The following FBLN2 variants were observed in gnomAD, a reference collection of about 807,000 sequenced individuals.
FBLN2 encodes fibulin-2.
A neutral mutation model predicts 123.7 loss-of-function variants in FBLN2; 81 were observed. The observed-to-expected ratio is 0.65, with a 90% CI of 0.55 to 0.79. The LOEUF (loss-of-function observed/expected upper bound fraction) is 0.79, where lower values mean the gene tolerates loss of function less well. FBLN2 is among the 30% of genes least tolerant of loss of function. The pLI is 0.00. For missense variants in FBLN2, 1,603 were observed against 1,681.3 expected (o/e 0.95, Z 0.81); for synonymous variants, 699 against 701.4 (o/e 1.00, Z 0.05).
chr3:13,609,566 C>T lies in FBLN2; in HGVS notation c.1472C>T (p.Ala491Val). The T allele has an allele frequency of 1.3e-6, 2 of 1,555,226 alleles. No individual in the cohort carries two copies. The highest frequency in any genetic ancestry group is 1.7e-6 in the Non-Finnish European group (2 of 1,149,184). The change falls in exon 4 of 18, where the codon GCC becomes GTC. Residue 491 changes from alanine to valine, a missense_variant. By Grantham distance (64) the Ala-to-Val change is moderately conservative. Transcript: ENST00000404922. ...TACTTGCAGGAGAAGAGCTGCATGG[C>T]CGGCGTCCTGGGAGCCAAGGAGGGT... is the stretch of plus-strand genomic sequence containing the variant. ...VSYLQEKSCM[A>V]GVLGAKEGET...
At chr3:13,624,489 C>G (rs1705957264) in intron 9 of FBLN2, among the ~76,000 whole-genome samples, 2 of 152,218 alleles carry the variant, frequency 1.3e-5, no homozygotes, top group South Asian at 4.1e-4. Context: ...TGGCCCAGAA[C>G]TTTCCCTTTC....
chr3:13,598,381 A>T (rs1704916060), intron 2 of FBLN2, among the ~76,000 whole-genome samples: 1 of 152,204 alleles, frequency 6.6e-6, no homozygotes, highest in Non-Finnish European at 1.5e-5. Flanking sequence ...TGCCCCAGCC[A>T]GTGAGTGGTA....
chr3:13,634,415 A>G (rs1197386339), intron 16 of FBLN2, among the ~76,000 whole-genome samples: 1 of 152,254 alleles, frequency 6.6e-6, no homozygotes, highest in Non-Finnish European at 1.5e-5. Flanking sequence ...GCCAGGCTGT[A>G]GCCGCTCACC....
chr3:13,610,786 G>A (rs528025134), intron 4 of FBLN2, among the ~76,000 whole-genome samples: 3 of 152,196 alleles, frequency 2.0e-5, no homozygotes, highest in Non-Finnish European at 4.4e-5. Flanking sequence ...GAGGCTCCAT[G>A]GTCATCAGGA....
At chr3:13,611,575 G>A (rs1366130393) in intron 4 of FBLN2, among the ~76,000 whole-genome samples, 2 of 152,246 alleles carry the variant, frequency 1.3e-5, no homozygotes, top group South Asian at 4.2e-4. Flanking sequence ...TGTCTTCAAG[G>A]TTCATCCATG....
rs1455312295 is a variant in FBLN2 at position 13,626,487 on chromosome 3, G to A, written c.2339G>A (p.Gly780Asp). ...ACGGACCTGCACACGTGCAGCCGGG[G>A]CGAGCACTGTGTGAACACACTGGGC... ...CVTDLHTCSR[G>D]EHCVNTLGSF... is the part of the protein sequence containing the mutation. The change falls in exon 10 of 18, where the codon GGC becomes GAC. Residue 780 changes from glycine (G) to aspartate (D), a missense_variant. Coordinates refer to ENST00000404922, the MANE Select transcript of FBLN2 (RefSeq NM_001004019.2). The A allele has an allele frequency of 9.5e-6, 15 of 1,578,112 alleles. No individual in the cohort carries two copies. Among genetic ancestry groups the A allele is most frequent in the Admixed American group, 1.8e-5 (1 of 55,150 alleles).
At position 13,621,661 on chromosome 3, in the gene FBLN2, C is replaced by A. The variant is rs1478392399; in HGVS notation, c.2156-114C>A. 4.5e-5 allele frequency: 52 copies of A among 1,153,622 alleles called. No homozygotes were observed. The South Asian group carries it at 6.6e-4, about 15-fold the overall frequency. 71.5% of individuals were successfully genotyped at this position (1,153,622 alleles called of 1,614,324 possible). A position where few individuals can be genotyped will look rare whatever the true frequency, so the allele number is the denominator to read the frequency against. ...AGCTACACACAGTCAGGCGGGGAGG[C>A]CCCAGACAGGCCCCTGCCCCTTGCT... On this transcript the variant is annotated intron_variant, in intron 8 of 17. Coordinates refer to ENST00000404922, the MANE Select transcript of FBLN2 (RefSeq NM_001004019.2).
At chr3:13,637,107 T>C (rs572637579) in intron 17 of FBLN2, among the ~76,000 whole-genome samples, 1 of 151,866 alleles carries the variant, frequency 6.6e-6, no homozygotes, top group African/African-American at 2.4e-5. Context: ...CCCCTTAACC[T>C]CACTTAACCT....
intron 1 of FBLN2, among the ~76,000 whole-genome samples, chr3:13,569,829 G>A (rs1001053035): frequency 7.0e-5 from 9 of 129,402 alleles, no homozygotes; most frequent in Non-Finnish European, 1.3e-4. Flanking sequence ...GGGTGTGTGC[G>A]TGGGACTGTG....
intron 2 of FBLN2, among the ~76,000 whole-genome samples, chr3:13,606,897 C>G (rs1352424683): frequency 1.3e-5 from 2 of 152,190 alleles, no homozygotes; most frequent in Non-Finnish European, 2.9e-5. Flanking sequence ...AGGTGATCCT[C>G]CTGCCTAGGC....
In FBLN2 at chr3:13,630,759, ACCAGTGCTACTGCCG is replaced by A. The variant is rs1706228017; in HGVS notation, c.3034_3048del (p.Cys1012_Gln1016del). On this transcript the variant is annotated inframe_deletion, in exon 15 of 18. Coordinates refer to ENST00000404922, the MANE Select transcript of FBLN2 (RefSeq NM_001004019.2). ...GAGTGTGCCAACATCTATGGCTCCTACCAGTGCTACTGCCGCCAGGGCTACCAGCTGGCTGAGGAT... is the reference window on the plus strand; with the variant it reads ...GAGTGTGCCAACATCTATGGCTCCTACCAGGGCTACCAGCTGGCTGAGGAT... The A allele has an allele frequency of 6.2e-7, 1 of 1,610,080 alleles. No individual in the cohort carries two copies. Among genetic ancestry groups the A allele is most frequent in the Non-Finnish European group, 8.5e-7 (1 of 1,178,598 alleles).
Position 13,579,259 on chromosome 3 carries a change from C to G in FBLN2, c.1306+7598C>G, listed in dbSNP as rs149545388. ...CTGAGCATGTGTTCATGAGATTGCT[C>G]TAGAAACTTCTAGAATACGCAAGCA... is the stretch of plus-strand genomic sequence containing the variant. On this transcript the variant is annotated intron_variant, in intron 2 of 17. Transcript: ENST00000404922. Among the ~76,000 whole-genome samples, 14 of 152,328 alleles carry G rather than the reference C, an allele frequency of 9.2e-5. No individual in the cohort carries two copies. The East Asian group carries it at 2.7e-3, about 29-fold the overall frequency.
At chr3:13,624,933 G>A in intron 9 of FBLN2, among the ~76,000 whole-genome samples, 1 of 152,268 alleles carries the variant, frequency 6.6e-6, no homozygotes, top group Admixed American at 6.5e-5. Context: ...TGAGTTGGTG[G>A]CCTCTGTGGC....
chr3:13,567,171 G>A (rs1283201323), intron 1 of FBLN2, among the ~76,000 whole-genome samples: 3 of 152,176 alleles, frequency 2.0e-5, no homozygotes, highest in Admixed American at 6.5e-5. Flanking sequence ...AGCAGAGCAA[G>A]GGGATGGACT....
At chr3:13,617,050 G>T (rs1053952067) in intron 5 of FBLN2, among the ~76,000 whole-genome samples, 1 of 152,186 alleles carries the variant, frequency 6.6e-6, no homozygotes, top group African/African-American at 2.4e-5. Context: ...CTGTCCTATT[G>T]TAGAGGACTC....
chr3:13,549,562 G>T (rs2125027558), intron 1 of FBLN2, among the ~76,000 whole-genome samples: 1 of 151,262 alleles, frequency 6.6e-6, no homozygotes, highest in East Asian at 2.0e-4. Context: ...ATCCCCTCTG[G>T]TCCCACTGCC....
At chr3:13,584,522 A>G (rs568707946) in intron 2 of FBLN2, among the ~76,000 whole-genome samples, 1 of 152,316 alleles carries the variant, frequency 6.6e-6, no homozygotes, top group East Asian at 1.9e-4. Flanking sequence ...CTGGACCAGC[A>G]ACAGTGGGAG....
At chr3:13,590,526 A>C (rs1258563306) in intron 2 of FBLN2, among the ~76,000 whole-genome samples, 1 of 151,882 alleles carries the variant, frequency 6.6e-6, no homozygotes, top group Non-Finnish European at 1.5e-5. Context: ...GGGTTTTACC[A>C]TGTTGGCCAG....
In FBLN2 at chr3:13,587,729, A is replaced by G. The variant is rs542831736; in HGVS notation, c.1306+16068A>G. On this transcript the variant is annotated intron_variant, in intron 2 of 17. Coordinates refer to ENST00000404922, the MANE Select transcript of FBLN2 (RefSeq NM_001004019.2). ...CAGCCTAGCTAAAAGCTTCATCTGC[A>G]TGATAAAACTACACCATGCACAACC... Among the ~76,000 whole-genome samples, 3 of 152,382 alleles carry G rather than the reference A, an allele frequency of 2.0e-5. No individual in the cohort carries two copies. The South Asian group carries it at 6.2e-4, about 32-fold the overall frequency.
Sources: allele counts gnomAD v4.1 joint callset (sites outside exome capture counted in the v4.1 genomes callset), GRCh38; gene constraint gnomAD v4.1.1; transcripts MANE v1.5; gene names NCBI Gene and HGNC (gene_info 2026-07-23, HGNC 2026-07-21).